ROBO1: variants seen among roughly 807,000 people sequenced by gnomAD.
The protein encoded by ROBO1 is roundabout guidance receptor 1.
In ROBO1, 149 loss-of-function variants were observed where a neutral mutation model predicts 195.9. The ratio of observed to expected loss-of-function variants is 0.76; its 90% CI spans 0.67 to 0.87. The LOEUF (loss-of-function observed/expected upper bound fraction) is 0.87, where lower values mean the gene tolerates loss of function less well. ROBO1 is among the 40% of genes least tolerant of loss of function. The pLI, the probability that ROBO1 is intolerant of heterozygous loss-of-function variation, is 0.00. For missense variants in ROBO1, 1,933 were observed against 2,068.3 expected, an observed-to-expected ratio of 0.93 and a Z score of 1.27; for synonymous variants, 816 against 733.2, an observed-to-expected ratio of 1.11 and a Z score of -1.82.
chr3:79,019,966 C>A (rs1463096027), intron 3 of ROBO1, among the ~76,000 whole-genome samples: 2 of 152,164 alleles, frequency 1.3e-5, no homozygotes, highest in Admixed American at 1.3e-4. Context: ...CCATCCTTTT[C>A]TTTTAAGTTG....
At chr3:78,995,505 T>C (rs2077341070) in intron 3 of ROBO1, among the ~76,000 whole-genome samples, 4 of 152,160 alleles carry the variant, frequency 2.6e-5, no homozygotes, top group African/African-American at 9.6e-5. Context: ...CTTGCCTCTA[T>C]AGCCCGTCGA....
In ROBO1 at chr3:79,346,892, G is replaced by A. The variant is rs986716637; in HGVS notation, c.89-221353C>T. 4.6e-5 allele frequency among the ~76,000 whole-genome samples: 7 copies of A among 151,694 alleles called. No homozygotes were observed. In the South Asian group the frequency reaches 1.5e-3, roughly 32 times the overall value. On this transcript the variant is annotated intron_variant, in intron 2 of 30. Transcript: ENST00000464233. ...TATATAGACTATACATTTACAGTTG[G>A]AATAGTTTTCAAATCAATACTTTAT...
chr3:79,073,296 A>G (rs1236153797), intron 3 of ROBO1, among the ~76,000 whole-genome samples: 3 of 151,988 alleles, frequency 2.0e-5, no homozygotes, highest in Non-Finnish European at 2.9e-5. Flanking sequence ...GATATACATT[A>G]CTTTTTCTCA....
intron 2 of ROBO1, among the ~76,000 whole-genome samples, chr3:79,271,685 TG>T (rs1184669749): frequency 1.3e-5 from 2 of 151,944 alleles, no homozygotes; most frequent in African/African-American, 4.8e-5. Flanking sequence ...GGTATATGTA[TG>T]TATATGTGTA....
chr3:78,717,635 T>C, intron 6 of ROBO1, 128 bp downstream of exon 6: 1 of 1,112,874 alleles, frequency 9.0e-7, no homozygotes, highest in East Asian at 2.6e-5. Flanking sequence ...TTCTGATTTC[T>C]TCTCTCCTCT....
chr3:78,668,122 C>T lies in ROBO1; in HGVS notation c.1799+12G>A. ...AAAAAAGAACAACTAGGAAGCATCT[C>T]CTTCACTCTACCTGAAGGCTTCTAT... On this transcript the variant is annotated intron_variant, in intron 13 of 30. Transcript: ENST00000464233. 1.2e-6 allele frequency: 2 copies of T among 1,612,636 alleles called. No homozygotes were observed. The highest frequency in any genetic ancestry group is 1.7e-6 in the Non-Finnish European group (2 of 1,179,272).
At chr3:79,637,248 T>A (rs1258020341) in intron 1 of ROBO1, among the ~76,000 whole-genome samples, 1 of 152,148 alleles carries the variant, frequency 6.6e-6, no homozygotes, top group Non-Finnish European at 1.5e-5. Flanking sequence ...TGCACATATT[T>A]ATCATGTATT....
intron 2 of ROBO1, among the ~76,000 whole-genome samples, chr3:79,302,723 T>C (rs552631858): frequency 6.6e-6 from 1 of 152,314 alleles, no homozygotes; most frequent in Non-Finnish European, 1.5e-5. Flanking sequence ...TACAACATTG[T>C]GTAATTATGT....
At chr3:79,641,564 T>TA (rs901142408) in intron 1 of ROBO1, among the ~76,000 whole-genome samples, 11 of 151,104 alleles carry the variant, frequency 7.3e-5, no homozygotes, top group East Asian at 5.8e-4. Flanking sequence ...AAATAATAAA[T>TA]AAAAAAAATA....
chr3:78,617,506 T>TAAAAAAAAAA, intron 27 of ROBO1, 129 bp downstream of exon 27: 2 of 721,282 alleles, frequency 2.8e-6, no homozygotes, highest in Non-Finnish European at 4.0e-6. Context: ...CTTAGGCAGC[T>TAAAAAAAAAA]AAAAAAAAAA....
rs56715450 is a variant in ROBO1 at position 78,608,020 on chromosome 3, T to TACACACACACACAC, written c.4436-993_4436-980dup. Among the ~76,000 whole-genome samples the TACACACACACACAC allele has an allele frequency of 7.8e-3, 1,169 of 149,848 alleles. 8 individuals carry two copies. The highest frequency in any genetic ancestry group is 0.019 in the African/African-American group (785 of 40,850). On this transcript the variant is annotated intron_variant, in intron 28 of 30. Transcript: ENST00000464233. The stretch of plus-strand genomic sequence containing the variant: ...GGTATAAATATATGTTAATTTCATT[T>TACACACACACACAC]ACACACACACACACACACACACACA...
At chr3:78,808,795 T>C (rs2108614610) in intron 4 of ROBO1, among the ~76,000 whole-genome samples, 1 of 152,268 alleles carries the variant, frequency 6.6e-6, no homozygotes, top group South Asian at 2.1e-4. Flanking sequence ...GCAAGCCATA[T>C]GCAGAAAACT....
At chr3:78,988,035 C>T (rs1490806074) in intron 3 of ROBO1, among the ~76,000 whole-genome samples, 1 of 151,966 alleles carries the variant, frequency 6.6e-6, no homozygotes, top group Non-Finnish European at 1.5e-5. Context: ...TGTATATTCC[C>T]TTAATAACTT....
intron 4 of ROBO1, among the ~76,000 whole-genome samples, chr3:78,937,827 T>G (rs573645576): frequency 2.6e-5 from 4 of 152,136 alleles, no homozygotes; most frequent in Non-Finnish European, 5.9e-5. Context: ...TTTTTTGATA[T>G]AGCTTTAATA....
chr3:79,071,850 G>A (rs1262343168), intron 3 of ROBO1, among the ~76,000 whole-genome samples: 1 of 151,422 alleles, frequency 6.6e-6, no homozygotes, highest in African/African-American at 2.4e-5. Flanking sequence ...ATGAAAGTTT[G>A]CATGGTTATT....
intron 2 of ROBO1, among the ~76,000 whole-genome samples, chr3:79,565,913 T>C (rs188530778): frequency 6.6e-5 from 10 of 152,262 alleles, no homozygotes; most frequent in Non-Finnish European, 1.3e-4. Flanking sequence ...AAGTAATAAA[T>C]TAAATGAAAC....
chr3:79,459,654 C>CT (rs2039735282), intron 2 of ROBO1, among the ~76,000 whole-genome samples: 1 of 151,982 alleles, frequency 6.6e-6, no homozygotes, highest in Non-Finnish European at 1.5e-5. Context: ...AGTAAAATGT[C>CT]TTTTCAGACA....
intron 2 of ROBO1, among the ~76,000 whole-genome samples, chr3:79,320,572 G>GACAT (rs2033937143): frequency 1.3e-5 from 2 of 151,922 alleles, no homozygotes; most frequent in Admixed American, 6.6e-5. Flanking sequence ...TCAAACGACA[G>GACAT]TCTCACCTGG....
At chr3:79,410,969 G>C (rs958132932) in intron 2 of ROBO1, among the ~76,000 whole-genome samples, 1 of 152,056 alleles carries the variant, frequency 6.6e-6, no homozygotes, top group Non-Finnish European at 1.5e-5. Context: ...TCTTTTACTG[G>C]AGGAATTTCC....
Sources: allele counts gnomAD v4.1 joint callset (sites outside exome capture counted in the v4.1 genomes callset), GRCh38; gene constraint gnomAD v4.1.1; transcripts MANE v1.5; gene names NCBI Gene and HGNC (gene_info 2026-07-23, HGNC 2026-07-21).